Variants in ZNF532 observed in about 807,000 individuals in gnomAD.
The protein encoded by ZNF532 is zinc finger protein 532.
Under a neutral mutation model 89.3 loss-of-function variants are expected in ZNF532, and 22 were observed. The ratio of observed to expected loss-of-function variants is 0.25; its 90% confidence interval spans 0.18 to 0.35. The LOEUF (loss-of-function observed/expected upper bound fraction) is 0.35. Ranked by LOEUF, ZNF532 falls within the 10% of genes least tolerant of loss-of-function variation. The pLI, the probability that ZNF532 is intolerant of heterozygous loss-of-function variation, is 1.00. For synonymous variants in ZNF532, 606 were observed against 649.6 expected (o/e 0.93, Z 1.02); for missense variants, 1,132 against 1,643.4 (o/e 0.69, Z 5.38).
chr18:58,919,118 C>G lies in ZNF532; in HGVS notation c.831C>G (p.Leu277=). The change falls in exon 3 of 10, where the codon CTC becomes CTG. Residue 277 remains leucine (L), a synonymous_variant. Coordinates refer to ENST00000591808, the MANE Select transcript of ZNF532 (RefSeq NM_001375912.1). This position sits in a 1 kb window ranked among gnomAD's most constrained non-coding sequence, Gnocchi z 6.1. ...LSSCIAAIAA[L]SAKKAASDSC... ...CCTGCATCGCTGCCATCGCGGCTCT[C>G]AGCGCTAAAAAGGCGGCTTCAGACT... The G allele has an allele frequency of 6.2e-7, 1 of 1,614,206 alleles. No individual in the cohort carries two copies. Among genetic ancestry groups the G allele is most frequent in the Non-Finnish European group, 8.5e-7 (1 of 1,180,044 alleles).
At chr18:58,930,751 TGCATATAACCTAA>T (rs1297432961) in intron 3 of ZNF532, among the ~76,000 whole-genome samples, 3 of 152,186 alleles carry the variant, frequency 2.0e-5, no homozygotes, top group Non-Finnish European at 2.9e-5. Context: ...GCATAGTATT[TGCATATAACCTAA>T]GCATATAACC....
At chr18:58,879,135 G>A (rs1602554144) in intron 2 of ZNF532, among the ~76,000 whole-genome samples, 1 of 152,318 alleles carries the variant, frequency 6.6e-6, no homozygotes, top group South Asian at 2.1e-4. Context: ...GGCCAGTGGG[G>A]TTGTGAGGCA....
At chr18:58,897,212 T>C (rs1051663384) in intron 2 of ZNF532, among the ~76,000 whole-genome samples, 2 of 152,224 alleles carry the variant, frequency 1.3e-5, no homozygotes, top group South Asian at 2.1e-4. Flanking sequence ...TTGCTCTGTT[T>C]CTGCATTAAG....
chr18:58,976,690 G>A (rs1421670471), intron 7 of ZNF532, among the ~76,000 whole-genome samples: 1 of 152,048 alleles, frequency 6.6e-6, no homozygotes, highest in East Asian at 1.9e-4. Context: ...CTGCCATCAT[G>A]CCCAGCTAAT....
chr18:58,934,480 T>C lies in ZNF532; in HGVS notation c.2394T>C (p.Tyr798=), dbSNP rs781022920. ...TGCTGCTTCCTAACCAGTGCAGTTA[T>C]GCATCACACCAGAGAATCCATCAGC... The part of the protein sequence containing the change: ...CQMLLPNQCS[Y]ASHQRIHQHK... Residue 798 remains tyrosine (Y), a synonymous_variant, in exon 4 of 10, where the codon TAT becomes TAC. Coordinates refer to ENST00000591808, the MANE Select transcript of ZNF532 (RefSeq NM_001375912.1). The C allele has an allele frequency of 2.9e-5, 46 of 1,614,028 alleles. 1 individual carries two copies. The Admixed American group carries it at 6.5e-4, about 23-fold the overall frequency.
At chr18:58,914,377 T>C (rs1171724317) in intron 2 of ZNF532, among the ~76,000 whole-genome samples, 2 of 152,238 alleles carry the variant, frequency 1.3e-5, no homozygotes, top group African/African-American at 2.4e-5. Context: ...ATATAGGGTT[T>C]ACTTTTAAAT....
chr18:58,914,831 C>T (rs1443813522), intron 2 of ZNF532, among the ~76,000 whole-genome samples: 2 of 152,048 alleles, frequency 1.3e-5, no homozygotes, highest in East Asian at 1.9e-4. Context: ...AAAATGAGAT[C>T]GTTCTATTTT....
In ZNF532 at chr18:58,918,736, CT is replaced by C. The variant is rs763236053; in HGVS notation, c.450del (p.Asp151ThrfsTer14). 3 of 1,614,188 alleles carry C rather than the reference CT, an allele frequency of 1.9e-6. No homozygotes were observed. Among genetic ancestry groups the C allele is most frequent in the Non-Finnish European group, 2.5e-6 (3 of 1,180,042 alleles). On this transcript the variant is annotated frameshift_variant, in exon 3 of 10. Transcript: ENST00000591808. LOFTEE classifies it high-confidence loss of function. ...GAGAAGATTGAGGTGGATGACCCCC[CT>C]GACAAGGAGGACATGCGATCAAGCT... ...DDEKIEVDDP[P>X]DKEDMRSSFR...
At chr18:58,879,467 GGCTCGCT>G in intron 2 of ZNF532, among the ~76,000 whole-genome samples, 1 of 152,222 alleles carries the variant, frequency 6.6e-6, no homozygotes, top group Admixed American at 6.5e-5. Context: ...GCACAGTCTC[GGCTCGCT>G]GCAGCCTCCG....
intron 5 of ZNF532, among the ~76,000 whole-genome samples, chr18:58,945,190 C>T (rs1013329811): frequency 3.3e-5 from 5 of 152,176 alleles, no homozygotes; most frequent in South Asian, 2.1e-4. Context: ...TGTCTTTGGC[C>T]GTCCAAAAGG....
At chr18:58,885,090 G>A (rs891932203) in intron 2 of ZNF532, among the ~76,000 whole-genome samples, 23 of 151,344 alleles carry the variant, frequency 1.5e-4, no homozygotes, top group Admixed American at 5.3e-4. Context: ...CTGGGTTCAA[G>A]CGATTCTCTT....
intron 7 of ZNF532, among the ~76,000 whole-genome samples, chr18:58,962,191 G>A (rs938161847): frequency 1.3e-5 from 2 of 151,358 alleles, no homozygotes; most frequent in Admixed American, 6.6e-5. Flanking sequence ...ACGCCACTGC[G>A]CTCCAGCCTG....
intron 6 of ZNF532, among the ~76,000 whole-genome samples, chr18:58,952,559 T>C (rs1203654441): frequency 6.6e-6 from 1 of 151,840 alleles, no homozygotes; most frequent in African/African-American, 2.4e-5. Flanking sequence ...CATGCACCAC[T>C]ATGCCCGAGT....
intron 2 of ZNF532, among the ~76,000 whole-genome samples, chr18:58,893,239 A>T (rs1367638871): frequency 6.6e-6 from 1 of 152,106 alleles, no homozygotes; most frequent in African/African-American, 2.4e-5. Context: ...CGGCCTGCCA[A>T]AGTGCTGGGA....
intron 2 of ZNF532, among the ~76,000 whole-genome samples, chr18:58,891,090 T>G (rs2058864570): frequency 6.6e-6 from 1 of 152,194 alleles, no homozygotes; most frequent in Non-Finnish European, 1.5e-5. Context: ...GGCTAATTTT[T>G]TGTAATTTTT....
chr18:58,885,942 G>A (rs1728346264), intron 2 of ZNF532, among the ~76,000 whole-genome samples: 1 of 151,866 alleles, frequency 6.6e-6, no homozygotes, highest in African/African-American at 2.4e-5. Context: ...GATCTGTGGT[G>A]GCATCCTTCT....
intron 5 of ZNF532, among the ~76,000 whole-genome samples, chr18:58,946,298 T>G (rs2063652441): frequency 6.6e-6 from 1 of 150,528 alleles, no homozygotes; most frequent in Admixed American, 6.6e-5. Context: ...ATAGTTTTTT[T>G]TTTTTTTTTT....
At chr18:58,893,655 TC>T (rs1213727748) in intron 2 of ZNF532, among the ~76,000 whole-genome samples, 8 of 104,966 alleles carry the variant, frequency 7.6e-5, no homozygotes, top group African/African-American at 3.5e-4. Flanking sequence ...AGACTCTGTC[TC>T]AAAAAAAAAA....
intron 7 of ZNF532, among the ~76,000 whole-genome samples, chr18:58,966,738 G>GTTTTGTT (rs2065949156): frequency 1.1e-4 from 14 of 125,910 alleles, no homozygotes; most frequent in Non-Finnish European, 1.7e-4. Context: ...ATTTTTTTGT[G>GTTTTGTT]TTTTTTTTTT....
Sources: allele counts gnomAD v4.1 joint callset (sites outside exome capture counted in the v4.1 genomes callset), GRCh38; gene constraint gnomAD v4.1.1; non-coding constraint Gnocchi (gnomAD v3.1); transcripts MANE v1.5; gene names NCBI Gene and HGNC (gene_info 2026-07-23, HGNC 2026-07-21).